Variants in JPT1 observed in about 807,000 individuals in gnomAD.
JPT1 encodes the protein Jupiter microtubule associated homolog 1.
In JPT1, 5 loss-of-function variants were observed where a neutral mutation model predicts 17.0. The ratio of observed to expected loss-of-function variants is 0.29; its 90% CI spans 0.15 to 0.62. The LOEUF (loss-of-function observed/expected upper bound fraction) is 0.62, where lower values mean the gene tolerates loss of function less well. Ranked by LOEUF, JPT1 falls within the 20% of genes least tolerant of loss-of-function variation. The pLI is 0.85. For synonymous variants in JPT1, 71 were observed against 73.6 expected, an observed-to-expected ratio of 0.96 and a Z score of 0.18; for missense variants, 158 against 188.1, an observed-to-expected ratio of 0.84 and a Z score of 0.94.
At chr17:75,144,412 T>C (rs1360839917) in intron 4 of JPT1, among the ~76,000 whole-genome samples, 1 of 152,108 alleles carries the variant, frequency 6.6e-6, no homozygotes, top group Non-Finnish European at 1.5e-5. Flanking sequence ...CTCAGGAGGC[T>C]GAGGCAGGAG....
chr17:75,151,168 A>G (rs1463577356), intron 1 of JPT1, among the ~76,000 whole-genome samples: 1 of 151,980 alleles, frequency 6.6e-6, no homozygotes, highest in Non-Finnish European at 1.5e-5. Flanking sequence ...CATTTTTCTA[A>G]GAATATTTAG....
chr17:75,140,399 A>AT (rs2074286029), intron 4 of JPT1, among the ~76,000 whole-genome samples: 1 of 152,218 alleles, frequency 6.6e-6, no homozygotes, highest in Non-Finnish European at 1.5e-5. Context: ...ATCTGAATAG[A>AT]AAATGATTCA....
At position 75,154,489 on chromosome 17, in the gene JPT1, A is replaced by G. The variant is rs1292642892; in HGVS notation, c.-92T>C. 6 of 1,243,614 alleles carry G rather than the reference A, an allele frequency of 4.8e-6. No homozygotes were observed. The highest frequency in any genetic ancestry group is 4.6e-5 in the African/African-American group (3 of 65,336). The allele number at this position is 1,243,614 out of a possible 1,614,324, so 77.0% of individuals were successfully genotyped here. A position where few individuals can be genotyped will look rare whatever the true frequency, so the allele number is the denominator to read the frequency against. ...TGGGAAACTCCACACCCAACAGCCG[A>G]CCACCGCTGCAGGAGCCGCCGCTGC... On this transcript the variant is annotated 5_prime_UTR_variant, in exon 1 of 5. Transcript: ENST00000409753.
At chr17:75,148,411 A>T (rs1449646964) in intron 2 of JPT1, 118 bp downstream of exon 2, 63 of 1,213,246 alleles carry the variant, frequency 5.2e-5, no homozygotes, top group Non-Finnish European at 7.0e-5. Context: ...ACCACCAGCT[A>T]ATTTTTGTTT....
chr17:75,136,348 G>C, intron 4 of JPT1, 98 bp from the exon 5 acceptor site: 4 of 1,247,356 alleles, frequency 3.2e-6, no homozygotes, highest in Non-Finnish European at 4.4e-6. Flanking sequence ...TTGGTTTGAT[G>C]GTTGGAAACA....
Position 75,135,397 on chromosome 17 carries a change from C to T in JPT1, c.*705G>A, listed in dbSNP as rs1393605959. 2 of 152,406 alleles carry T rather than the reference C, an allele frequency of 1.3e-5. No individual in the cohort carries two copies. The highest frequency in any genetic ancestry group is 2.4e-5 in the African/African-American group (1 of 41,448). 9.4% of individuals were successfully genotyped at this position (152,406 alleles called of 1,614,324 possible). On this transcript the variant is annotated 3_prime_UTR_variant, in exon 5 of 5. Transcript: ENST00000409753. ...TTAAAACAACACGCCTGTGGGACCC[C>T]GTTCCTGGAGGAAGACCCGCTTCAG...
At chr17:75,153,726 G>C (rs1459664811) in intron 1 of JPT1, 3 of 152,358 alleles carry the variant, frequency 2.0e-5, no homozygotes, top group African/African-American at 7.2e-5. Context: ...CTCAATGGGG[G>C]GTGAAGGGTC....
At chr17:75,152,724 T>C (rs755889213) in intron 1 of JPT1, among the ~76,000 whole-genome samples, 43 of 152,192 alleles carry the variant, frequency 2.8e-4, no homozygotes, top group Non-Finnish European at 5.3e-4. Context: ...GACTGAAGTC[T>C]AACCGGCAGA....
At chr17:75,140,759 C>T (rs1047340667) in intron 4 of JPT1, among the ~76,000 whole-genome samples, 10 of 151,924 alleles carry the variant, frequency 6.6e-5, no homozygotes. Flanking sequence ...AACCCAGGAC[C>T]AGCCGGGGGA....
Position 75,142,090 on chromosome 17 carries a change from G to A in JPT1, c.316+4576C>T, listed in dbSNP as rs1598193835. 2.0e-5 allele frequency among the ~76,000 whole-genome samples: 3 copies of A among 151,868 alleles called. No individual in the cohort carries two copies. In the South Asian group the frequency reaches 6.2e-4, roughly 32 times the overall value. On this transcript the variant is annotated intron_variant, in intron 4 of 4. Coordinates refer to ENST00000409753, the MANE Select transcript of JPT1 (RefSeq NM_016185.4). ...TCTCGAAAAAACAAAAACTGTGAAGGGGACTGAAAAGGGAACAGAATTATT... is the reference window on the plus strand; with the variant it reads ...TCTCGAAAAAACAAAAACTGTGAAGAGGACTGAAAAGGGAACAGAATTATT...
In JPT1 at chr17:75,135,886, A is replaced by G. The variant is rs1328287603; in HGVS notation, c.*216T>C. 1 of 954,988 alleles carries G rather than the reference A, an allele frequency of 1.0e-6. No homozygotes were observed. Among genetic ancestry groups the G allele is most frequent in the South Asian group, 1.7e-5 (1 of 58,160 alleles). The allele number at this position is 954,988 out of a possible 1,614,324, so 59.2% of individuals were successfully genotyped here. On this transcript the variant is annotated 3_prime_UTR_variant, in exon 5 of 5. Transcript: ENST00000409753. Reference sequence around the variant, plus strand: ...TAAGTGTCACAAAGCTTTCCCTCCAATCTACTACTAGAAAACACTCATGCC... The same window carrying G: ...TAAGTGTCACAAAGCTTTCCCTCCAGTCTACTACTAGAAAACACTCATGCC...
At chr17:75,145,798 G>T (rs2074417189) in intron 4 of JPT1, 1 of 152,232 alleles carries the variant, frequency 6.6e-6, no homozygotes, top group Admixed American at 6.6e-5. Context: ...GCTCTCAGCT[G>T]GGTGCTGGGG....
At chr17:75,138,143 G>A (rs1402482478) in intron 4 of JPT1, among the ~76,000 whole-genome samples, 2 of 151,736 alleles carry the variant, frequency 1.3e-5, no homozygotes, top group Non-Finnish European at 2.9e-5. Context: ...TGTATTTTTA[G>A]TAGAGACAGG....
chr17:75,154,460 G>A lies in JPT1; in HGVS notation c.-63C>T, dbSNP rs2074604603. 1 of 1,478,048 alleles carries A rather than the reference G, an allele frequency of 6.8e-7. No homozygotes were observed. Among genetic ancestry groups the A allele is most frequent in the African/African-American group, 1.4e-5 (1 of 70,366 alleles). The allele number at this position is 1,478,048 out of a possible 1,614,324, so 91.6% of individuals were successfully genotyped here. On this transcript the variant is annotated 5_prime_UTR_variant, in exon 1 of 5. Coordinates refer to ENST00000409753, the MANE Select transcript of JPT1 (RefSeq NM_016185.4). The stretch of plus-strand genomic sequence containing the variant: ...ACGCTCAAAGGGTCGGACCCGAGGG[G>A]CGCTGGGAAACTCCACACCCAACAG...
At chr17:75,144,062 A>AT (rs35213727) in intron 4 of JPT1, among the ~76,000 whole-genome samples, 73,944 of 151,844 alleles carry the variant, frequency 0.49, 21,203 homozygotes, top group Non-Finnish European at 0.65. Context: ...GGACTTCTGG[A>AT]TAACTGAACA....
Position 75,140,692 on chromosome 17 carries a change from G to A in JPT1, c.317-4442C>T, listed in dbSNP as rs542504799. Among the ~76,000 whole-genome samples the A allele has an allele frequency of 1.6e-3, 242 of 152,338 alleles. 2 individuals carry two copies. Among genetic ancestry groups the A allele is most frequent in the Non-Finnish European group, 2.2e-3 (148 of 68,044 alleles). On this transcript the variant is annotated intron_variant, in intron 4 of 4. Coordinates refer to ENST00000409753, the MANE Select transcript of JPT1 (RefSeq NM_016185.4). The stretch of plus-strand genomic sequence containing the variant: ...TATTACTGTACCTCAGCCAGGCACA[G>A]CGGCTCACACCTGTAATCCCAGAAT...
chr17:75,141,815 T>G (rs1188589988), intron 4 of JPT1, among the ~76,000 whole-genome samples: 5 of 152,114 alleles, frequency 3.3e-5, no homozygotes, highest in South Asian at 2.1e-4. Flanking sequence ...GGCTCATGCC[T>G]CCCAGCGCTT....
chr17:75,148,985 T>C, intron 1 of JPT1: 1 of 1,261,116 alleles, frequency 7.9e-7, no homozygotes, highest in Non-Finnish European at 1.0e-6. Flanking sequence ...AAAGATCTAA[T>C]GGACCTTACT....
chr17:75,148,052 C>T (rs373565774), intron 2 of JPT1: 3 of 225,294 alleles, frequency 1.3e-5, no homozygotes, highest in East Asian at 2.0e-4. Flanking sequence ...ATGTGTTAGT[C>T]TCACATTATG....
Sources: gnomAD v4.1 joint callset for allele counts (sites outside exome capture counted in the v4.1 genomes callset) on GRCh38, gnomAD v4.1.1 for gene constraint, MANE v1.5 for transcripts, NCBI Gene and HGNC (gene_info 2026-07-23, HGNC 2026-07-21) for gene names.